PHF20: variants seen among roughly 807,000 people sequenced by gnomAD.
PHF20 encodes glioma-expressed antigen 2.
Under a neutral mutation model 113.5 loss-of-function variants are expected in PHF20, and 23 were observed. The observed-to-expected ratio is 0.20, with a 90% CI of 0.15 to 0.29. PHF20 has a LOEUF of 0.29. Ranked by LOEUF, PHF20 falls within the 10% of genes least tolerant of loss-of-function variation. The pLI is 1.00. For synonymous variants in PHF20, 434 were observed against 457.3 expected, an observed-to-expected ratio of 0.95 and a Z score of 0.65; for missense variants, 943 against 1,219.6, an observed-to-expected ratio of 0.77 and a Z score of 3.38.
chr20:35,911,446 C>T (rs6060677), intron 10 of PHF20, among the ~76,000 whole-genome samples: 14,891 of 152,148 alleles, frequency 0.098, 783 homozygotes, highest in Middle Eastern at 0.15. Context: ...CAGTTTGGGG[C>T]GATTACAACT....
chr20:35,848,546 C>T (rs1290340275), intron 4 of PHF20, among the ~76,000 whole-genome samples: 1 of 152,038 alleles, frequency 6.6e-6, no homozygotes, highest in East Asian at 1.9e-4. Flanking sequence ...CCACCATGCC[C>T]AGCCGCAACT....
chr20:35,871,230 A>G (rs2054415822), intron 8 of PHF20, 96 bp downstream of exon 8: 2 of 997,972 alleles, frequency 2.0e-6, no homozygotes, highest in East Asian at 2.4e-5. Context: ...CAAGTATTAA[A>G]TTGTCTTGAA....
intron 2 of PHF20, among the ~76,000 whole-genome samples, chr20:35,836,814 TC>T (rs2146928953): frequency 7.0e-6 from 1 of 143,786 alleles, no homozygotes; most frequent in East Asian, 2.1e-4. Flanking sequence ...ACCACTGCAC[TC>T]CAGCCTGGGT....
intron 9 of PHF20, among the ~76,000 whole-genome samples, chr20:35,887,021 C>T (rs144278772): frequency 6.6e-6 from 1 of 152,278 alleles, no homozygotes; most frequent in East Asian, 1.9e-4. Context: ...ATATCACCAT[C>T]ATCATAATCT....
chr20:35,918,549 A>G (rs1174801386), intron 13 of PHF20, among the ~76,000 whole-genome samples: 1 of 152,146 alleles, frequency 6.6e-6, no homozygotes, highest in Non-Finnish European at 1.5e-5. Context: ...AAAATGCAAA[A>G]TGGCCACCTT....
At chr20:35,827,628 C>G (rs959998092) in intron 2 of PHF20, among the ~76,000 whole-genome samples, 1 of 151,908 alleles carries the variant, frequency 6.6e-6, no homozygotes, top group African/African-American at 2.4e-5. Context: ...ATTAAAAATA[C>G]AAAAAATTGG....
intron 2 of PHF20, among the ~76,000 whole-genome samples, chr20:35,805,272 C>T (rs1181760394): frequency 6.6e-6 from 1 of 151,758 alleles, no homozygotes; most frequent in African/African-American, 2.4e-5. Flanking sequence ...GAACAGAGCT[C>T]ATTGCAGCTT....
intron 13 of PHF20, among the ~76,000 whole-genome samples, chr20:35,920,101 G>C (rs947326404): frequency 6.6e-6 from 1 of 152,198 alleles, no homozygotes; most frequent in Non-Finnish European, 1.5e-5. Flanking sequence ...CTAAGACCAT[G>C]AGATTCCCTC....
chr20:35,789,416 G>A (rs527460812), intron 1 of PHF20, among the ~76,000 whole-genome samples: 13 of 145,950 alleles, frequency 8.9e-5, no homozygotes, highest in African/African-American at 3.3e-4. Context: ...GGGTGACAGT[G>A]CAAGACTCCA....
intron 17 of PHF20, among the ~76,000 whole-genome samples, chr20:35,942,215 C>T (rs1043185631): frequency 6.6e-6 from 1 of 152,124 alleles, no homozygotes; most frequent in Non-Finnish European, 1.5e-5. Flanking sequence ...CTGCAGTGAG[C>T]TGTGATTATG....
chr20:35,850,296 GTTTTTTTT>G (rs554100863), intron 4 of PHF20, among the ~76,000 whole-genome samples: 26 of 62,358 alleles, frequency 4.2e-4, no homozygotes, highest in South Asian at 1.0e-3. Flanking sequence ...TTCCCCCTCC[GTTTTTTTT>G]TTTTTTTTTT....
intron 9 of PHF20, chr20:35,878,524 A>G: frequency 3.1e-6 from 2 of 640,566 alleles, no homozygotes; most frequent in South Asian, 3.9e-5. Flanking sequence ...AACTTATTCA[A>G]AAAGCTAAAG....
At chr20:35,860,256 T>TTC (rs1555794187) in intron 5 of PHF20, among the ~76,000 whole-genome samples, 57 of 150,642 alleles carry the variant, frequency 3.8e-4, no homozygotes, top group African/African-American at 1.1e-3. Flanking sequence ...TTTTTTTTTT[T>TTC]TTGAGATGGA....
chr20:35,947,350 GCCCCATGGAGGCTGAAATGGCCCTTCCTC>G, intron 17 of PHF20, 106 bp from the exon 18 acceptor site: 1 of 781,384 alleles, frequency 1.3e-6, no homozygotes, highest in Non-Finnish European at 2.0e-6. Flanking sequence ...TTCCTCCCTT[GCCCCATGGAGGCTGAAATGGCCCTTCCTC>G]CCTTGCCCCA....
intron 1 of PHF20, among the ~76,000 whole-genome samples, chr20:35,791,537 G>GTGTATATATATATA (rs372219422): frequency 3.1e-5 from 4 of 127,208 alleles, no homozygotes; most frequent in African/African-American, 9.0e-5. Context: ...TTAGAATAGT[G>GTGTATATATATATA]TATATATATA....
chr20:35,837,136 G>A (rs1023232441), intron 2 of PHF20, among the ~76,000 whole-genome samples: 1 of 152,038 alleles, frequency 6.6e-6, no homozygotes, highest in Non-Finnish European at 1.5e-5. Context: ...TTGCACCACT[G>A]TACCCCATCC....
intron 2 of PHF20, among the ~76,000 whole-genome samples, chr20:35,825,076 A>G (rs1250232760): frequency 6.6e-6 from 1 of 152,354 alleles, no homozygotes; most frequent in East Asian, 1.9e-4. Context: ...GTATATACCT[A>G]AGATGGAATT....
intron 6 of PHF20, among the ~76,000 whole-genome samples, chr20:35,868,326 C>T (rs1025422105): frequency 1.3e-5 from 2 of 148,350 alleles, no homozygotes; most frequent in Non-Finnish European, 3.0e-5. Flanking sequence ...CTATGCTGGG[C>T]AGGTGGCTCA....
At chr20:35,794,040 C>CT (rs2041617106) in intron 1 of PHF20, among the ~76,000 whole-genome samples, 1 of 145,234 alleles carries the variant, frequency 6.9e-6, no homozygotes, top group Non-Finnish European at 1.5e-5. Context: ...TGGCTCACAC[C>CT]TGTAATCCCC....
Sources: allele counts gnomAD v4.1 joint callset (sites outside exome capture counted in the v4.1 genomes callset), GRCh38; gene constraint gnomAD v4.1.1; transcripts MANE v1.5; gene names NCBI Gene and HGNC (gene_info 2026-07-23, HGNC 2026-07-21).